Variants in KIF26A observed in about 807,000 individuals in gnomAD.
The protein encoded by KIF26A is kinesin-like protein KIF26A.
In KIF26A, 74 loss-of-function variants were observed where a neutral mutation model predicts 126.0. The observed-to-expected ratio is 0.59, with a 90% CI of 0.49 to 0.71. The LOEUF is 0.71. Among genes scored for constraint, KIF26A ranks in the 30% least tolerant of loss-of-function variants. The pLI, the probability that KIF26A is intolerant of heterozygous loss-of-function variation, is 0.00. For synonymous variants in KIF26A, 1,445 were observed against 1,232.7 expected, an observed-to-expected ratio of 1.17 and a Z score of -3.61; for missense variants, 2,984 against 2,763.3, an observed-to-expected ratio of 1.08 and a Z score of -1.79.
chr14:104,156,041 C>CCACCTGTGGGTGCCACGCTG (rs762808273), intron 3 of KIF26A, among the ~76,000 whole-genome samples: 38 of 152,318 alleles, frequency 2.5e-4, no homozygotes, highest in Non-Finnish European at 4.0e-4. Flanking sequence ...TCGCGACGAG[C>CCACCTGTGGGTGCCACGCTG]CACCTGTGGG....
At position 104,152,105 on chromosome 14, in the gene KIF26A, G is replaced by A. The variant is rs767182921; in HGVS notation, c.379G>A (p.Val127Ile). ...CRPEAERRCD[V>I]CATHLQQLTR... Reference sequence around the variant, plus strand: ...CCCAGAGGCCGAGCGCCGCTGTGACGTCTGCGCCACACACCTGCAGCAGCT... The same window carrying A: ...CCCAGAGGCCGAGCGCCGCTGTGACATCTGCGCCACACACCTGCAGCAGCT... The change falls in exon 3 of 15, where the codon GTC becomes ATC. Residue 127 changes from valine to isoleucine, a missense_variant. Physicochemically the swap from Val to Ile is conservative, Grantham distance 29. Coordinates refer to ENST00000423312, the MANE Select transcript of KIF26A (RefSeq NM_015656.2). This position sits in a 1 kb window ranked among gnomAD's most constrained non-coding sequence, Gnocchi z 5.9. The A allele has an allele frequency of 6.2e-6, 10 of 1,612,294 alleles. No individual in the cohort carries two copies. Among genetic ancestry groups the A allele is most frequent in the South Asian group, 5.5e-5 (5 of 91,072 alleles).
At position 104,171,824 on chromosome 14, in the gene KIF26A, C is replaced by T; in HGVS notation, c.1215C>T (p.Leu405=). The T allele has an allele frequency of 6.4e-7, 1 of 1,561,314 alleles. No individual in the cohort carries two copies. The highest frequency in any genetic ancestry group is 1.7e-4 in the Middle Eastern group (1 of 5,982). Residue 405 remains leucine (L), a synonymous_variant, in exon 6 of 15, where the codon CTC becomes CTT. Transcript: ENST00000423312. ...ACCCTCGGAAGAAGCAGGTGATCCT[C>T]TACGATCCCGCCGCCGGTCCCCCAG... is the stretch of plus-strand genomic sequence containing the variant. The part of the protein sequence containing the change: ...KVDPRKKQVI[L]YDPAAGPPGS...
chr14:104,141,791 G>A (rs1295597352), intron 2 of KIF26A, among the ~76,000 whole-genome samples: 1 of 152,218 alleles, frequency 6.6e-6, no homozygotes, highest in Non-Finnish European at 1.5e-5. Context: ...TCCTGCCTAT[G>A]CTCATCCCCT....
rs772776179 is a variant in KIF26A at position 104,176,703 on chromosome 14, G to A, written c.3915G>A (p.Pro1305=). The stretch of plus-strand genomic sequence containing the variant: ...CAGAGGCTGTGGCTCGGATCCCACC[G>A]CTGCGGAGGGGTGCCACCACGCTGG... ...RRPEAVARIP[P]LRRGATTLGV... is the part of the protein sequence containing the mutation. The change falls in exon 12 of 15, where the codon CCG becomes CCA. Residue 1305 remains proline (P), a synonymous_variant. Coordinates refer to ENST00000423312, the MANE Select transcript of KIF26A (RefSeq NM_015656.2). 4.4e-6 allele frequency: 7 copies of A among 1,587,418 alleles called. No individual in the cohort carries two copies. The highest frequency in any genetic ancestry group is 1.1e-5 in the South Asian group (1 of 88,210).
At chr14:104,149,715 C>T (rs2037709607) in intron 2 of KIF26A, among the ~76,000 whole-genome samples, 1 of 152,190 alleles carries the variant, frequency 6.6e-6, no homozygotes, top group African/African-American at 2.4e-5. Context: ...TCCGGGCTTC[C>T]TCCCTCCCCT....
chr14:104,143,900 G>A (rs913344091), intron 2 of KIF26A, among the ~76,000 whole-genome samples: 15 of 152,236 alleles, frequency 9.9e-5, no homozygotes, highest in African/African-American at 3.1e-4. Flanking sequence ...AGGGGGCACG[G>A]CTCCCTGGCT....
intron 2 of KIF26A, among the ~76,000 whole-genome samples, chr14:104,141,140 G>T (rs180741037): frequency 3.8e-4 from 58 of 152,242 alleles, no homozygotes; most frequent in African/African-American, 1.3e-3. Context: ...GGCCTGGCCC[G>T]CTGGGCCCAG....
At chr14:104,159,871 G>A (rs1226088710) in intron 4 of KIF26A, among the ~76,000 whole-genome samples, 1 of 96,980 alleles carries the variant, frequency 1.0e-5, no homozygotes. Context: ...GAACCCTCAG[G>A]GGTGAGATCA....
rs1458015631 is a variant in KIF26A at position 104,176,994 on chromosome 14, C to T, written c.4206C>T (p.Pro1402=). The T allele has an allele frequency of 1.3e-6, 2 of 1,543,784 alleles. No homozygotes were observed. The highest frequency in any genetic ancestry group is 1.4e-5 in the African/African-American group (1 of 73,614). The change falls in exon 12 of 15, where the codon CCC becomes CCT. Residue 1402 remains proline (P), a synonymous_variant. Transcript: ENST00000423312. ...AAAVLRGEEE[P]RPSSRADHSV... The stretch of plus-strand genomic sequence containing the variant: ...CTGTCCTTCGAGGGGAGGAGGAGCC[C>T]AGACCCAGCAGCCGGGCTGACCACT...
chr14:104,142,167 T>G (rs1358997939), intron 2 of KIF26A, among the ~76,000 whole-genome samples: 1 of 152,064 alleles, frequency 6.6e-6, no homozygotes, highest in Non-Finnish European at 1.5e-5. Flanking sequence ...CTCCCCACCT[T>G]TCTGAGCTCT....
At chr14:104,165,483 G>A (rs1298030109) in intron 4 of KIF26A, among the ~76,000 whole-genome samples, 1 of 80,592 alleles carries the variant, frequency 1.2e-5, no homozygotes, top group East Asian at 2.4e-4. Flanking sequence ...CTCTGTGTAT[G>A]TTTCCATGTG....
chr14:104,165,181 GTT>G (rs1222514898), intron 4 of KIF26A, among the ~76,000 whole-genome samples: 1 of 148,160 alleles, frequency 6.7e-6, no homozygotes, highest in Non-Finnish European at 1.5e-5. Flanking sequence ...ATGTGTCTGT[GTT>G]TCTGTATGCA....
chr14:104,159,625 G>A (rs888753325), intron 4 of KIF26A, among the ~76,000 whole-genome samples: 1 of 152,230 alleles, frequency 6.6e-6, no homozygotes, highest in Admixed American at 6.5e-5. Context: ...AGAAACCAGC[G>A]CATCGGGCTG....
At chr14:104,162,582 C>T (rs2037843371) in intron 4 of KIF26A, among the ~76,000 whole-genome samples, 1 of 152,196 alleles carries the variant, frequency 6.6e-6, no homozygotes, top group Non-Finnish European at 1.5e-5. Context: ...CCTCCGCGTC[C>T]CCTGGAAGCT....
At position 104,138,609 on chromosome 14, in the gene KIF26A, C is replaced by T; in HGVS notation, c.-114C>T. 1 of 858,338 alleles carries T rather than the reference C, an allele frequency of 1.2e-6. No individual in the cohort carries two copies. The highest frequency in any genetic ancestry group is 1.5e-6 in the Non-Finnish European group (1 of 663,826). The allele number at this position is 858,338 out of a possible 1,614,324, so 53.2% of individuals were successfully genotyped here. A position where few individuals can be genotyped will look rare whatever the true frequency, so the allele number is the denominator to read the frequency against. On this transcript the variant is annotated 5_prime_UTR_variant, in exon 1 of 15. Transcript: ENST00000423312. ...GACACTCGCAGGCTCTGCGAACTTCCGAGCGGCTGGGCCGGGCCATGGGGG... is the reference window on the plus strand; with the variant it reads ...GACACTCGCAGGCTCTGCGAACTTCTGAGCGGCTGGGCCGGGCCATGGGGG...
intron 5 of KIF26A, among the ~76,000 whole-genome samples, chr14:104,168,354 G>C (rs1253523201): frequency 6.6e-6 from 1 of 152,204 alleles, no homozygotes; most frequent in Non-Finnish European, 1.5e-5. Context: ...CGCTAATTTC[G>C]TGACTTGAGC....
At chr14:104,156,841 A>G (rs2037782832) in intron 3 of KIF26A, among the ~76,000 whole-genome samples, 1 of 152,162 alleles carries the variant, frequency 6.6e-6, no homozygotes, top group Non-Finnish European at 1.5e-5. Flanking sequence ...GTCCTCTGCT[A>G]GCCTGGGTAC....
Position 104,180,158 on chromosome 14 carries a change from C to T in KIF26A, c.*368C>T, listed in dbSNP as rs984948788. On this transcript the variant is annotated 3_prime_UTR_variant, in exon 15 of 15. Coordinates refer to ENST00000423312, the MANE Select transcript of KIF26A (RefSeq NM_015656.2). The stretch of plus-strand genomic sequence containing the variant: ...CTGGCGCCGGTTGTGTTTGTGTCCA[C>T]CTTGCCTTCTTTGCAGCCAAGCAGT... The T allele has an allele frequency of 7.6e-5, 15 of 198,600 alleles. No individual in the cohort carries two copies. Among genetic ancestry groups the T allele is most frequent in the African/African-American group, 3.7e-4 (15 of 41,004 alleles). 12.3% of individuals were successfully genotyped at this position (198,600 alleles called of 1,614,324 possible). A position where few individuals can be genotyped will look rare whatever the true frequency, so the allele number is the denominator to read the frequency against.
Position 104,175,058 on chromosome 14 carries a change from T to C in KIF26A, c.2270T>C (p.Phe757Ser), listed in dbSNP as rs1388508625. ...RARRPPHLRP[F>S]HPRTVALDPD... ...CGTCGGCCCCCGCACCTGCGGCCCT[T>C]CCACCCACGCACTGTGGCCCTGGAC... The change falls in exon 12 of 15, where the codon TTC becomes TCC. Residue 757 changes from phenylalanine to serine, a missense_variant. Coordinates refer to ENST00000423312, the MANE Select transcript of KIF26A (RefSeq NM_015656.2). 2 of 1,583,620 alleles carry C rather than the reference T, an allele frequency of 1.3e-6. No individual in the cohort carries two copies. The highest frequency in any genetic ancestry group is 2.3e-5 in the South Asian group (2 of 87,046).
Sources: allele counts gnomAD v4.1 joint callset (sites outside exome capture counted in the v4.1 genomes callset), GRCh38; gene constraint gnomAD v4.1.1; non-coding constraint Gnocchi (gnomAD v3.1); transcripts MANE v1.5; gene names NCBI Gene and HGNC (gene_info 2026-07-23, HGNC 2026-07-21).